Variants in ATF6 observed in about 807,000 individuals in gnomAD.
The protein encoded by ATF6 is activating transcription factor 6.
Under a neutral mutation model 83.6 loss-of-function variants are expected in ATF6, and 53 were observed. That is an observed-to-expected ratio of 0.63 (90% CI 0.51 to 0.80). The LOEUF (loss-of-function observed/expected upper bound fraction) is 0.80. ATF6 is among the 30% of genes least tolerant of loss of function. ATF6 has a pLI of 0.00. For synonymous variants in ATF6, 288 were observed against 285.8 expected (o/e 1.01, Z -0.08); for missense variants, 744 against 797.9 (o/e 0.93, Z 0.81).
chr1:161,795,358 C>G (rs1034170834), intron 6 of ATF6, among the ~76,000 whole-genome samples: 1 of 152,078 alleles, frequency 6.6e-6, no homozygotes, highest in African/African-American at 2.4e-5. Flanking sequence ...CTTCTAAGTG[C>G]TTAAGTGCAT....
intron 13 of ATF6, among the ~76,000 whole-genome samples, chr1:161,861,297 TATAG>T (rs147582044): frequency 0.013 from 2,029 of 152,106 alleles, 45 homozygotes; most frequent in African/African-American, 0.044. Flanking sequence ...GAGAAAAAAA[TATAG>T]ATAGATAGAT....
At chr1:161,818,261 A>C (rs1031297042) in intron 7 of ATF6, among the ~76,000 whole-genome samples, 2 of 152,188 alleles carry the variant, frequency 1.3e-5, no homozygotes, top group African/African-American at 4.8e-5. Context: ...TAATCAATGT[A>C]ATATAGGTTG....
intron 14 of ATF6, among the ~76,000 whole-genome samples, chr1:161,888,700 C>G (rs1352492998): frequency 1.3e-5 from 2 of 152,130 alleles, no homozygotes; most frequent in African/African-American, 4.8e-5. Flanking sequence ...GGCATACTTC[C>G]TCATTTGGAT....
intron 10 of ATF6, among the ~76,000 whole-genome samples, chr1:161,850,172 C>T (rs1686582381): frequency 6.6e-6 from 1 of 152,154 alleles, no homozygotes. Flanking sequence ...TATATCACTT[C>T]TTTATTTGAA....
chr1:161,812,781 C>CCT (rs1306165702), intron 7 of ATF6, among the ~76,000 whole-genome samples: 1 of 115,856 alleles, frequency 8.6e-6, no homozygotes, highest in African/African-American at 3.6e-5. Context: ...AATTTTGCCT[C>CCT]CTCTGTGTGT....
At chr1:161,915,624 C>CTT (rs201891219) in intron 15 of ATF6, among the ~76,000 whole-genome samples, 92 of 145,836 alleles carry the variant, frequency 6.3e-4, no homozygotes, top group Middle Eastern at 3.7e-3. Context: ...ATACAAATGT[C>CTT]TTTTTTTTTT....
At position 161,791,403 on chromosome 1, in the gene ATF6, T is replaced by C; in HGVS notation, c.355-5T>C. 1 of 1,604,118 alleles carries C rather than the reference T, an allele frequency of 6.2e-7. No homozygotes were observed. The highest frequency in any genetic ancestry group is 8.5e-7 in the Non-Finnish European group (1 of 1,177,102). ...TCATTAATTTTTGTTTTTATTATGC[T>C]ACAGGAGGAGTTGGATTTGTCTTCT... On this transcript the variant is annotated splice_polypyrimidine_tract_variant and splice_region_variant and intron_variant, in intron 4 of 15. Transcript: ENST00000367942.
intron 9 of ATF6, among the ~76,000 whole-genome samples, chr1:161,824,898 A>C (rs1685854829): frequency 6.6e-6 from 1 of 152,200 alleles, no homozygotes; most frequent in Non-Finnish European, 1.5e-5. Flanking sequence ...CAACTGTTGT[A>C]TGAGAAAGAA....
intron 15 of ATF6, among the ~76,000 whole-genome samples, chr1:161,931,773 T>C (rs1218757423): frequency 6.6e-6 from 1 of 152,226 alleles, no homozygotes; most frequent in Non-Finnish European, 1.5e-5. Flanking sequence ...TAGGTACAAG[T>C]CACTTATGAG....
At chr1:161,940,651 C>T (rs996886000) in intron 15 of ATF6, among the ~76,000 whole-genome samples, 8 of 151,656 alleles carry the variant, frequency 5.3e-5, no homozygotes, top group African/African-American at 1.2e-4. Flanking sequence ...CTCCGCCTCC[C>T]GGGTTCAAGC....
At chr1:161,876,913 A>G (rs1216530251) in intron 14 of ATF6, among the ~76,000 whole-genome samples, 1 of 152,002 alleles carries the variant, frequency 6.6e-6, no homozygotes, top group Non-Finnish European at 1.5e-5. Context: ...AAAGTATGTA[A>G]TAGATTTTTA....
intron 9 of ATF6, among the ~76,000 whole-genome samples, chr1:161,835,826 G>C (rs946827067): frequency 3.3e-5 from 5 of 152,106 alleles, no homozygotes; most frequent in Non-Finnish European, 5.9e-5. Flanking sequence ...CTATTTTAAA[G>C]GTCACTATAG....
intron 13 of ATF6, among the ~76,000 whole-genome samples, chr1:161,861,106 T>C (rs1394065): frequency 0.11 from 16,930 of 152,172 alleles, 1,900 homozygotes; most frequent in African/African-American, 0.29. Context: ...GCACTTAGCA[T>C]GGTACATAAG....
At chr1:161,775,626 T>C (rs1684497953) in intron 1 of ATF6, among the ~76,000 whole-genome samples, 1 of 152,204 alleles carries the variant, frequency 6.6e-6, no homozygotes, top group South Asian at 2.1e-4. Context: ...GAGAATTCAT[T>C]CATATTGGGG....
intron 6 of ATF6, among the ~76,000 whole-genome samples, chr1:161,793,887 A>G (rs1003985238): frequency 2.6e-5 from 4 of 151,848 alleles, no homozygotes; most frequent in African/African-American, 7.3e-5. Flanking sequence ...ATGTGCTAAT[A>G]TGAGGAACTG....
At chr1:161,775,883 T>C (rs1384678963) in intron 1 of ATF6, among the ~76,000 whole-genome samples, 1 of 131,662 alleles carries the variant, frequency 7.6e-6, no homozygotes, top group Non-Finnish European at 1.7e-5. Context: ...CTAGGAAATA[T>C]ATATACATGT....
chr1:161,947,315 A>G (rs980992145), intron 15 of ATF6, among the ~76,000 whole-genome samples: 4 of 152,350 alleles, frequency 2.6e-5, no homozygotes, highest in African/African-American at 7.2e-5. Flanking sequence ...GATTCTTGCT[A>G]GATGGACTCA....
intron 15 of ATF6, among the ~76,000 whole-genome samples, chr1:161,955,484 G>A (rs1222284882): frequency 6.6e-6 from 1 of 152,116 alleles, no homozygotes; most frequent in Non-Finnish European, 1.5e-5. Context: ...AGCCACCCAG[G>A]GGAGGGACCT....
intron 3 of ATF6, 134 bp downstream of exon 3, chr1:161,782,133 T>G (rs1374464842): frequency 1.7e-6 from 1 of 597,836 alleles, no homozygotes; most frequent in Non-Finnish European, 2.9e-6. Flanking sequence ...GCATTCTACT[T>G]CTGGTATGGC....
Sources: gnomAD v4.1 joint callset for allele counts (sites outside exome capture counted in the v4.1 genomes callset) on GRCh38, gnomAD v4.1.1 for gene constraint, MANE v1.5 for transcripts, NCBI Gene and HGNC (gene_info 2026-07-23, HGNC 2026-07-21) for gene names.